Variants in PXDNL observed in about 807,000 individuals in gnomAD.
PXDNL encodes the protein peroxidasin like, also known as probable oxidoreductase PXDNL.
A neutral mutation model predicts 150.8 loss-of-function variants in PXDNL; 145 were observed. The observed-to-expected ratio is 0.96, with a 90% CI of 0.84 to 1.10. The LOEUF (loss-of-function observed/expected upper bound fraction) is 1.10. Ranked by LOEUF, PXDNL falls within the 50% of genes least tolerant of loss-of-function variation. The probability of loss-of-function intolerance (pLI) is 0.00; values close to 1 mark genes in which losing one functional copy is unlikely to be tolerated. For synonymous variants in PXDNL, 757 were observed against 725.7 expected (o/e 1.04, Z -0.69); for missense variants, 2,087 against 1,873.9 (o/e 1.11, Z -2.10).
intron 17 of PXDNL, among the ~76,000 whole-genome samples, chr8:51,402,667 G>A (rs1808292993): frequency 6.6e-6 from 1 of 152,236 alleles, no homozygotes; most frequent in East Asian, 1.9e-4. Flanking sequence ...TTCAAAAATA[G>A]CTTTCAAAAT....
intron 3 of PXDNL, among the ~76,000 whole-genome samples, chr8:51,565,208 C>T (rs962420999): frequency 6.6e-6 from 1 of 151,586 alleles, no homozygotes; most frequent in Non-Finnish European, 1.5e-5. Flanking sequence ...CTCAGTCACA[C>T]AACATACAGC....
At position 51,408,221 on chromosome 8, in the gene PXDNL, C is replaced by A. The variant is rs777627469; in HGVS notation, c.3403G>T (p.Val1135Leu). ...TGAATGATGGTGGCAGCCGAATCCA[C>A]GGCCGCAGAATAAGCCGCGGAGAAG... is the stretch of plus-strand genomic sequence containing the variant. ...RLFSAAYSAAVDSAATIIQRG... is the reference protein window; with the variant it reads ...RLFSAAYSAALDSAATIIQRG... Residue 1135 changes from valine to leucine, a missense_variant, in exon 17 of 23, where the codon GTG (valine) becomes TTG (leucine). Val to Leu is a conservative substitution (Grantham distance 32, BLOSUM62 1). Transcript: ENST00000356297. 1.2e-6 allele frequency: 2 copies of A among 1,614,020 alleles called. No homozygotes were observed.
At chr8:51,689,122 C>G (rs1160553699) in intron 1 of PXDNL, among the ~76,000 whole-genome samples, 1 of 152,198 alleles carries the variant, frequency 6.6e-6, no homozygotes, top group Non-Finnish European at 1.5e-5. Context: ...CAGCAGGTTG[C>G]CAGCCCACAA....
chr8:51,560,636 T>C (rs1812698860), intron 3 of PXDNL, among the ~76,000 whole-genome samples: 1 of 151,862 alleles, frequency 6.6e-6, no homozygotes, highest in Non-Finnish European at 1.5e-5. Flanking sequence ...CCTTGTACCA[T>C]ATACAAAAAT....
chr8:51,668,957 G>A (rs898747391), intron 1 of PXDNL, among the ~76,000 whole-genome samples: 1 of 152,104 alleles, frequency 6.6e-6, no homozygotes, highest in Non-Finnish European at 1.5e-5. Context: ...ATGGATGGAT[G>A]GATGTAGGCT....
At chr8:51,627,508 G>A (rs888026914) in intron 2 of PXDNL, among the ~76,000 whole-genome samples, 1 of 152,020 alleles carries the variant, frequency 6.6e-6, no homozygotes. Context: ...AGAAACAGAA[G>A]ATAAAATGTC....
chr8:51,321,755 C>T (rs1474451567), intron 21 of PXDNL, among the ~76,000 whole-genome samples: 2 of 152,088 alleles, frequency 1.3e-5, no homozygotes, highest in Admixed American at 6.6e-5. Flanking sequence ...TCAACTAAAC[C>T]TATTTTCTTC....
At chr8:51,704,965 C>T (rs1290127075) in intron 1 of PXDNL, among the ~76,000 whole-genome samples, 3 of 152,178 alleles carry the variant, frequency 2.0e-5, no homozygotes, top group Admixed American at 6.5e-5. Context: ...ATTCTCTTCT[C>T]AGGGATACTG....
chr8:51,574,739 C>G (rs1447257723), intron 3 of PXDNL, among the ~76,000 whole-genome samples: 2 of 151,902 alleles, frequency 1.3e-5, no homozygotes, highest in Non-Finnish European at 2.9e-5. Flanking sequence ...ACCACAGACG[C>G]AAAAGGAATT....
intron 2 of PXDNL, among the ~76,000 whole-genome samples, chr8:51,617,239 A>C (rs1411318965): frequency 6.6e-6 from 1 of 152,242 alleles, no homozygotes; most frequent in Non-Finnish European, 1.5e-5. Flanking sequence ...AAGCAGTATA[A>C]TTTTAATGGA....
chr8:51,752,105 AC>A (rs1461500784), intron 1 of PXDNL, among the ~76,000 whole-genome samples: 2 of 152,226 alleles, frequency 1.3e-5, no homozygotes, highest in Admixed American at 1.3e-4. Flanking sequence ...ATTCATCTAA[AC>A]AAATAAGTGA....
chr8:51,383,287 C>A (rs1198996426), intron 17 of PXDNL, among the ~76,000 whole-genome samples: 1 of 152,128 alleles, frequency 6.6e-6, no homozygotes, highest in Non-Finnish European at 1.5e-5. Flanking sequence ...GTATTAATAG[C>A]TTTGGTATGT....
intron 11 of PXDNL, among the ~76,000 whole-genome samples, chr8:51,448,053 C>T (rs1316429598): frequency 6.6e-6 from 1 of 152,196 alleles, no homozygotes; most frequent in Non-Finnish European, 1.5e-5. Context: ...ATCAACTAAT[C>T]TCATAAAGAA....
intron 1 of PXDNL, among the ~76,000 whole-genome samples, chr8:51,760,586 A>G (rs557765627): frequency 4.6e-5 from 7 of 152,284 alleles, no homozygotes; most frequent in African/African-American, 1.4e-4. Flanking sequence ...ATCACCTTCT[A>G]TTTGAATAGC....
At chr8:51,597,535 G>A (rs772474241) in intron 2 of PXDNL, among the ~76,000 whole-genome samples, 1 of 152,020 alleles carries the variant, frequency 6.6e-6, no homozygotes, top group Non-Finnish European at 1.5e-5. Context: ...CAATCCATGA[G>A]CATGGAATAT....
rs564482883 is a variant in PXDNL, at chr8:51,615,530, G to A, written c.237-22832C>T. ...AGAGAATTCAAACTTAAAGAGTCTGGGGGGAAAAGAGAGGAAAAGGCTGGA... is the reference window on the plus strand; with the variant it reads ...AGAGAATTCAAACTTAAAGAGTCTGAGGGGAAAAGAGAGGAAAAGGCTGGA... On this transcript the variant is annotated intron_variant, in intron 2 of 22. Transcript: ENST00000356297. 2.6e-5 allele frequency among the ~76,000 whole-genome samples: 4 copies of A among 151,902 alleles called. No individual in the cohort carries two copies. In the South Asian group the frequency reaches 8.3e-4, roughly 32 times the overall value.
At chr8:51,418,047 A>C (rs1808845697) in intron 14 of PXDNL, among the ~76,000 whole-genome samples, 1 of 152,198 alleles carries the variant, frequency 6.6e-6, no homozygotes, top group South Asian at 2.1e-4. Context: ...ACACATATTA[A>C]AATGTATATG....
chr8:51,679,454 C>A (rs1194054896), intron 1 of PXDNL, among the ~76,000 whole-genome samples: 2 of 152,178 alleles, frequency 1.3e-5, no homozygotes, highest in Non-Finnish European at 2.9e-5. Flanking sequence ...AATTACTTAA[C>A]ATATCATTTG....
chr8:51,433,756 T>C (rs1809318816), intron 12 of PXDNL, among the ~76,000 whole-genome samples: 1 of 152,190 alleles, frequency 6.6e-6, no homozygotes, highest in Non-Finnish European at 1.5e-5. Context: ...CTTACGAGCC[T>C]GAAATTAACA....
Sources: gnomAD v4.1 joint callset for allele counts (sites outside exome capture counted in the v4.1 genomes callset) on GRCh38, gnomAD v4.1.1 for gene constraint, MANE v1.5 for transcripts, NCBI Gene and HGNC (gene_info 2026-07-23, HGNC 2026-07-21) for gene names.